WDPCP: variants seen among roughly 807,000 people sequenced by gnomAD.
The protein encoded by WDPCP is WD repeat containing planar cell polarity effector, also known as WD repeat-containing and planar cell polarity effector protein fritz homolog.
WDPCP carries 71 observed loss-of-function variants against 93.1 expected under a neutral mutation model. The observed-to-expected ratio is 0.76, with a 90% CI of 0.63 to 0.93. The LOEUF is 0.93. WDPCP is among the 40% of genes least tolerant of loss of function. WDPCP has a pLI of 0.00. For synonymous variants in WDPCP, 315 were observed against 315.0 expected, an observed-to-expected ratio of 1.00 and a Z score of 0.00; for missense variants, 844 against 887.4, an observed-to-expected ratio of 0.95 and a Z score of 0.62.
At chr2:63,283,304 G>T (rs1683714325) in intron 13 of WDPCP, among the ~76,000 whole-genome samples, 1 of 152,088 alleles carries the variant, frequency 6.6e-6, no homozygotes, top group African/African-American at 2.4e-5. Flanking sequence ...GAAGCCCCTT[G>T]CGTCACTAGG....
rs1697397064 is a variant in WDPCP at position 63,439,952 on chromosome 2, C to CA, written c.385-82dup. On this transcript the variant is annotated intron_variant, in intron 6 of 17. Transcript: ENST00000272321. ...TTTAAAAAACCTCTCTCCAAATATACAACTTATACAGATATTTTACACATG... is the reference window on the plus strand; with the variant it reads ...TTTAAAAAACCTCTCTCCAAATATACAAACTTATACAGATATTTTACACATG... 5.9e-6 allele frequency: 6 copies of CA among 1,017,212 alleles called. No homozygotes were observed. The South Asian group carries it at 6.4e-5, about 11-fold the overall frequency. The allele number at this position is 1,017,212 out of a possible 1,614,324, so 63.0% of individuals were successfully genotyped here.
intron 12 of WDPCP, among the ~76,000 whole-genome samples, chr2:63,317,895 A>G (rs1213025472): frequency 1.3e-5 from 2 of 152,198 alleles, no homozygotes; most frequent in African/African-American, 2.4e-5. Context: ...CAACTGCAAC[A>G]AAAACAAAAA....
At chr2:63,739,196 G>C (rs563718941) in intron 2 of WDPCP, among the ~76,000 whole-genome samples, 1 of 152,102 alleles carries the variant, frequency 6.6e-6, no homozygotes, top group East Asian at 1.9e-4. Context: ...ACCTCAAGTA[G>C]ACCCCAGTGT....
intron 14 of WDPCP, among the ~76,000 whole-genome samples, chr2:63,209,843 C>T (rs575287136): frequency 1.1e-4 from 16 of 152,186 alleles, no homozygotes; most frequent in African/African-American, 3.1e-4. Flanking sequence ...GGTCAGTCAA[C>T]GTATACTGAC....
At chr2:63,685,345 G>A (rs1668790533) in intron 2 of WDPCP, among the ~76,000 whole-genome samples, 1 of 152,096 alleles carries the variant, frequency 6.6e-6, no homozygotes, top group Middle Eastern at 3.2e-3. Flanking sequence ...ACTAGATTAG[G>A]AAATATAAGA....
chr2:63,493,090 T>C, intron 1 of WDPCP, 150 bp from the exon 2 acceptor site: 2 of 679,958 alleles, frequency 2.9e-6, no homozygotes, highest in Non-Finnish European at 5.1e-6. Context: ...TAGTGTATCC[T>C]TGGTTAACCA....
At chr2:63,397,136 A>T (rs76774648) in intron 10 of WDPCP, among the ~76,000 whole-genome samples, 3,161 of 152,200 alleles carry the variant, frequency 0.021, 50 homozygotes, top group East Asian at 0.08. Context: ...TGATCATGGT[A>T]AAATAGAGAA....
chr2:63,661,387 T>C (rs1710224886), intron 2 of WDPCP, among the ~76,000 whole-genome samples: 1 of 152,204 alleles, frequency 6.6e-6, no homozygotes, highest in Admixed American at 6.5e-5. Context: ...ATTCAGTTAA[T>C]GTCTGTCCTC....
intron 9 of WDPCP, among the ~76,000 whole-genome samples, chr2:63,430,760 T>C (rs1696692511): frequency 6.6e-6 from 1 of 152,160 alleles, no homozygotes; most frequent in African/African-American, 2.4e-5. Context: ...TGCATGCCTG[T>C]AGTCTCAGCT....
intron 14 of WDPCP, among the ~76,000 whole-genome samples, chr2:63,231,279 A>T (rs925441990): frequency 6.6e-6 from 1 of 152,174 alleles, no homozygotes; most frequent in African/African-American, 2.4e-5. Flanking sequence ...CAAGACAGGG[A>T]TGCCCTCTCT....
At chr2:63,788,452 T>C (rs1399477711) in intron 2 of WDPCP, among the ~76,000 whole-genome samples, 3 of 152,178 alleles carry the variant, frequency 2.0e-5, no homozygotes, top group African/African-American at 7.2e-5. Flanking sequence ...TTAGCAGTAG[T>C]GGGAGGCCTG....
intron 14 of WDPCP, among the ~76,000 whole-genome samples, chr2:63,183,199 C>G (rs1220121033): frequency 6.6e-6 from 1 of 151,238 alleles, no homozygotes; most frequent in Non-Finnish European, 1.5e-5. Flanking sequence ...TCTTTTTTTT[C>G]TAGTTCCTTG....
In WDPCP at chr2:63,408,413, T is replaced by A. The variant is rs190994473; in HGVS notation, c.826-3756A>T. On this transcript the variant is annotated intron_variant, in intron 9 of 17. Coordinates refer to ENST00000272321, the MANE Select transcript of WDPCP (RefSeq NM_015910.7). ...GAGCAAAATACAGGGGTAGTGCAAG[T>A]AGCAGAAAGGCCCTGGGAGCTCACT... is the stretch of plus-strand genomic sequence containing the variant. 1.3e-3 allele frequency among the ~76,000 whole-genome samples: 199 copies of A among 152,188 alleles called. 1 individual carries two copies. The highest frequency in any genetic ancestry group is 6.8e-3 in the Middle Eastern group (2 of 294).
intron 1 of WDPCP, among the ~76,000 whole-genome samples, chr2:63,825,585 T>C (rs1208848818): frequency 6.6e-6 from 1 of 151,848 alleles, no homozygotes; most frequent in Admixed American, 6.6e-5. Flanking sequence ...AACTACATTC[T>C]TCTGCTTGTA....
intron 17 of WDPCP, among the ~76,000 whole-genome samples, chr2:63,138,665 G>A (rs1670823039): frequency 6.6e-6 from 1 of 151,906 alleles, no homozygotes; most frequent in Non-Finnish European, 1.5e-5. Context: ...TGTTAGCCAG[G>A]ATGGTCTCGA....
intron 2 of WDPCP, among the ~76,000 whole-genome samples, chr2:63,690,864 T>C (rs921851893): frequency 3.9e-5 from 6 of 152,180 alleles, no homozygotes; most frequent in African/African-American, 1.2e-4. Context: ...TGCGTAGTTG[T>C]TAAAAGCAAA....
chr2:63,362,274 T>TTTTGTTGTG (rs764194233), intron 12 of WDPCP, among the ~76,000 whole-genome samples: 1 of 57,980 alleles, frequency 1.7e-5, no homozygotes, highest in African/African-American at 9.8e-5. Flanking sequence ...TTTTTTTTTT[T>TTTTGTTGTG]GGTTGTGTGT....
rs1433851428 is a variant in WDPCP at position 63,349,803 on chromosome 2, C to A, written c.1748+28583G>T. On this transcript the variant is annotated intron_variant, in intron 12 of 17. Coordinates refer to ENST00000272321, the MANE Select transcript of WDPCP (RefSeq NM_015910.7). ...CTAATTTACTAGGCTAGCTCTACCC[C>A]CTGGTTTCTTACAGCACTGCTCATC... Among the ~76,000 whole-genome samples, 3 of 152,134 alleles carry A rather than the reference C, an allele frequency of 2.0e-5. No homozygotes were observed. The East Asian group carries it at 5.8e-4, about 29-fold the overall frequency.
intron 1 of WDPCP, among the ~76,000 whole-genome samples, chr2:63,504,358 G>C (rs1453475531): frequency 6.6e-6 from 1 of 151,296 alleles, no homozygotes; most frequent in Non-Finnish European, 1.5e-5. Context: ...GTGTGTGTGT[G>C]TGTGTGTGTG....
Sources: gnomAD v4.1 joint callset for allele counts (sites outside exome capture counted in the v4.1 genomes callset) on GRCh38, gnomAD v4.1.1 for gene constraint, MANE v1.5 for transcripts, NCBI Gene and HGNC (gene_info 2026-07-23, HGNC 2026-07-21) for gene names.